NPAS3: variants seen among roughly 807,000 people sequenced by gnomAD.
NPAS3 encodes the protein neuronal PAS domain-containing protein 3.
A neutral mutation model predicts 73.1 loss-of-function variants in NPAS3; 14 were observed. The observed-to-expected ratio is 0.19, with a 90% CI of 0.13 to 0.30. The LOEUF is 0.30. NPAS3 is among the 10% of genes least tolerant of loss of function. The pLI is 1.00. For synonymous variants in NPAS3, 620 were observed against 541.5 expected (o/e 1.14, Z -2.01); for missense variants, 1,096 against 1,250.0 (o/e 0.88, Z 1.86).
intron 4 of NPAS3, among the ~76,000 whole-genome samples, chr14:33,472,859 T>C (rs756021971): frequency 6.0e-5 from 9 of 150,906 alleles, no homozygotes; most frequent in Non-Finnish European, 1.0e-4. Context: ...ATTGATATGA[T>C]TATATTATTT....
intron 5 of NPAS3, among the ~76,000 whole-genome samples, chr14:33,642,197 A>G (rs2058692812): frequency 6.6e-6 from 1 of 152,112 alleles, no homozygotes; most frequent in Non-Finnish European, 1.5e-5. Flanking sequence ...TTTTCTTTTC[A>G]CATCATCCTT....
At chr14:33,411,286 G>A (rs962340435) in intron 4 of NPAS3, among the ~76,000 whole-genome samples, 13 of 152,264 alleles carry the variant, frequency 8.5e-5, no homozygotes, top group South Asian at 2.1e-4. Context: ...GGGTTCAAGC[G>A]ATTCTCCTGC....
intron 2 of NPAS3, among the ~76,000 whole-genome samples, chr14:33,159,036 G>A (rs2044751376): frequency 6.6e-6 from 1 of 152,068 alleles, no homozygotes; most frequent in South Asian, 2.1e-4. Context: ...GGTGGCGCAT[G>A]CCTGTAATCC....
At chr14:33,392,086 G>A (rs892373332) in intron 4 of NPAS3, among the ~76,000 whole-genome samples, 1 of 152,106 alleles carries the variant, frequency 6.6e-6, no homozygotes, top group African/African-American at 2.4e-5. Context: ...GTCATATATT[G>A]TAAAAGTTAG....
At chr14:33,693,402 G>A (rs1479179786) in intron 6 of NPAS3, among the ~76,000 whole-genome samples, 1 of 152,142 alleles carries the variant, frequency 6.6e-6, no homozygotes, top group African/African-American at 2.4e-5. Flanking sequence ...GTTCAGTGTT[G>A]ACCTTCCGCA....
chr14:33,134,861 A>ATTT (rs71448288), intron 2 of NPAS3, among the ~76,000 whole-genome samples: 18 of 150,656 alleles, frequency 1.2e-4, no homozygotes, highest in South Asian at 4.2e-4. Flanking sequence ...TTAAAGACTG[A>ATTT]TTTTTTTTTT....
intron 5 of NPAS3, among the ~76,000 whole-genome samples, chr14:33,580,307 T>G (rs1366639191): frequency 6.6e-6 from 1 of 152,178 alleles, no homozygotes; most frequent in Non-Finnish European, 1.5e-5. Flanking sequence ...GCCAAAGGTG[T>G]GACGTAAAGC....
At chr14:33,712,606 A>T (rs1234314959) in intron 6 of NPAS3, among the ~76,000 whole-genome samples, 2 of 152,180 alleles carry the variant, frequency 1.3e-5, no homozygotes, top group Non-Finnish European at 2.9e-5. Context: ...ACTGCCTCTG[A>T]TAACCTAGAT....
At chr14:33,673,094 A>G (rs575270630) in intron 5 of NPAS3, among the ~76,000 whole-genome samples, 5 of 152,214 alleles carry the variant, frequency 3.3e-5, no homozygotes, top group Admixed American at 6.5e-5. Context: ...ATGGCAAAGC[A>G]TCTCCAGCTC....
chr14:33,135,100 T>G (rs1283750050), intron 2 of NPAS3, among the ~76,000 whole-genome samples: 2 of 152,232 alleles, frequency 1.3e-5, no homozygotes, highest in African/African-American at 2.4e-5. Context: ...TTACTCTTCA[T>G]GTAATCCTGT....
At chr14:33,785,237 C>T (rs1440251995) in intron 9 of NPAS3, among the ~76,000 whole-genome samples, 1 of 151,674 alleles carries the variant, frequency 6.6e-6, no homozygotes, top group South Asian at 2.1e-4. Context: ...AGTTCGAGAC[C>T]AGCCTGGCCA....
At chr14:32,960,173 T>C (rs895594498) in intron 1 of NPAS3, among the ~76,000 whole-genome samples, 3 of 152,176 alleles carry the variant, frequency 2.0e-5, no homozygotes, top group Admixed American at 1.3e-4. Flanking sequence ...CTTACTTTTA[T>C]GTTTTCTTTG....
At chr14:33,097,632 C>T (rs991791916) in intron 2 of NPAS3, among the ~76,000 whole-genome samples, 1 of 152,200 alleles carries the variant, frequency 6.6e-6, no homozygotes, top group African/African-American at 2.4e-5. Flanking sequence ...TACCAATCAG[C>T]AATATATGAG....
At chr14:33,681,946 A>T (rs531642266) in intron 6 of NPAS3, among the ~76,000 whole-genome samples, 2 of 152,318 alleles carry the variant, frequency 1.3e-5, no homozygotes, top group Admixed American at 1.3e-4. Flanking sequence ...ATACAAACAA[A>T]CAGTGTAGTG....
intron 4 of NPAS3, among the ~76,000 whole-genome samples, chr14:33,503,721 A>T (rs2052626359): frequency 6.6e-6 from 1 of 151,966 alleles, no homozygotes; most frequent in Admixed American, 6.6e-5. Flanking sequence ...ACTTGGGGAA[A>T]ATCCAGCCCC....
intron 5 of NPAS3, among the ~76,000 whole-genome samples, chr14:33,620,828 A>C (rs2058057144): frequency 6.6e-6 from 1 of 152,126 alleles, no homozygotes; most frequent in South Asian, 2.1e-4. Context: ...TTTTTCTCAG[A>C]GTGTCAAATA....
rs1555313581 is a variant in NPAS3, at chr14:32,975,896, TGA to T, written c.50+36542_50+36543del. ...GTGTGTGTGTGTGTGTGTGTGTGTG[TGA>T]GAGAGAGAGAGTTTGCAGACACGCA... On this transcript the variant is annotated intron_variant, in intron 1 of 11. Transcript: ENST00000356141. Among the ~76,000 whole-genome samples the T allele has an allele frequency of 8.7e-3, 1,235 of 142,292 alleles. 15 individuals are homozygous for T. Among genetic ancestry groups the T allele is most frequent in the African/African-American group, 0.03 (1,162 of 38,518 alleles). 93.3% of individuals were successfully genotyped at this position (142,292 alleles called of 152,430 possible).
chr14:32,977,047 A>AACAC (rs10628639), intron 1 of NPAS3, among the ~76,000 whole-genome samples: 29,438 of 149,272 alleles, frequency 0.2, 2,854 homozygotes, highest in South Asian at 0.27. Flanking sequence ...TGGTCAAGGT[A>AACAC]ACACACACAC....
chr14:33,783,489 G>T (rs541731145), intron 9 of NPAS3, among the ~76,000 whole-genome samples: 1 of 151,538 alleles, frequency 6.6e-6, no homozygotes, highest in Admixed American at 6.6e-5. Context: ...AGCCTTCATC[G>T]TGTGCCTGGC....
Sources: allele counts gnomAD v4.1 joint callset (sites outside exome capture counted in the v4.1 genomes callset), GRCh38; gene constraint gnomAD v4.1.1; transcripts MANE v1.5; gene names NCBI Gene and HGNC (gene_info 2026-07-23, HGNC 2026-07-21).